The following TAFA2 variants were observed in gnomAD, a reference collection of about 807,000 sequenced individuals.
The protein encoded by TAFA2 is TAFA chemokine like family member 2, also known as chemokine-like protein TAFA-2.
A neutral mutation model predicts 18.8 loss-of-function variants in TAFA2; 7 were observed. The observed-to-expected ratio is 0.37, with a 90% CI of 0.21 to 0.70. The LOEUF is 0.70. Among genes scored for constraint, TAFA2 ranks in the 30% least tolerant of loss-of-function variants. The pLI is 0.53. For synonymous variants in TAFA2, 60 were observed against 54.2 expected (o/e 1.11, Z -0.47); for missense variants, 122 against 158.1 (o/e 0.77, Z 1.23).
chr12:61,738,892 T>C (rs1431707251), intron 4 of TAFA2, among the ~76,000 whole-genome samples: 1 of 152,146 alleles, frequency 6.6e-6, no homozygotes, highest in Non-Finnish European at 1.5e-5. Context: ...TTAGTATTTC[T>C]TTAACAAGAC....
chr12:61,929,462 C>T (rs1877457291), intron 1 of TAFA2, among the ~76,000 whole-genome samples: 1 of 152,154 alleles, frequency 6.6e-6, no homozygotes, highest in African/African-American at 2.4e-5. Context: ...GAGATACCAT[C>T]TCACACCAGT....
intron 1 of TAFA2, among the ~76,000 whole-genome samples, chr12:62,203,903 C>T (rs139820698): frequency 6.6e-6 from 1 of 152,214 alleles, no homozygotes; most frequent in East Asian, 1.9e-4. Flanking sequence ...ATTTTGCAGA[C>T]TTGTTGATGT....
At chr12:62,205,663 G>T (rs568976834) in intron 1 of TAFA2, among the ~76,000 whole-genome samples, 7 of 152,136 alleles carry the variant, frequency 4.6e-5, no homozygotes, top group Non-Finnish European at 4.4e-5. Context: ...GGTCCAAACC[G>T]CCCAGTTTCC....
chr12:62,243,837 G>C (rs950493226), intron 1 of TAFA2, among the ~76,000 whole-genome samples: 6 of 152,198 alleles, frequency 3.9e-5, no homozygotes, highest in African/African-American at 1.4e-4. Flanking sequence ...CTGAAGGGCA[G>C]TGGTAGCATC....
chr12:61,775,613 G>A (rs531740293), intron 2 of TAFA2, among the ~76,000 whole-genome samples: 8 of 151,896 alleles, frequency 5.3e-5, no homozygotes, highest in African/African-American at 1.9e-4. Context: ...GAAGATCAGT[G>A]ATTATCAGGG....
At chr12:62,057,573 C>T (rs2136783277) in intron 1 of TAFA2, among the ~76,000 whole-genome samples, 1 of 151,982 alleles carries the variant, frequency 6.6e-6, no homozygotes, top group East Asian at 1.9e-4. Flanking sequence ...ATTACTTTGT[C>T]ATTCAATTTG....
intron 1 of TAFA2, among the ~76,000 whole-genome samples, chr12:62,243,139 A>C (rs2062870421): frequency 6.6e-6 from 1 of 152,238 alleles, no homozygotes; most frequent in Admixed American, 6.5e-5. Context: ...ACCTGTAGTT[A>C]TAAAAGATTT....
chr12:62,045,786 G>A (rs1366058975), intron 1 of TAFA2, among the ~76,000 whole-genome samples: 1 of 151,910 alleles, frequency 6.6e-6, no homozygotes, highest in Non-Finnish European at 1.5e-5. Context: ...AATTACAATG[G>A]CTACCCAGAA....
intron 1 of TAFA2, among the ~76,000 whole-genome samples, chr12:61,889,161 A>T (rs1875520360): frequency 6.6e-6 from 1 of 152,178 alleles, no homozygotes; most frequent in Admixed American, 6.5e-5. Context: ...CACATGATGC[A>T]CTTAGGAAGG....
intron 1 of TAFA2, among the ~76,000 whole-genome samples, chr12:61,978,804 A>G (rs1879527477): frequency 6.6e-6 from 1 of 152,138 alleles, no homozygotes; most frequent in Non-Finnish European, 1.5e-5. Context: ...CTCATGTATC[A>G]TACTTCAAGA....
chr12:61,791,221 C>T (rs116049078), intron 2 of TAFA2, among the ~76,000 whole-genome samples: 2,810 of 151,900 alleles, frequency 0.018, 84 homozygotes, highest in African/African-American at 0.065. Context: ...GGATTAAAGA[C>T]TTAAATATGA....
At chr12:62,032,822 C>G (rs1364480281) in intron 1 of TAFA2, among the ~76,000 whole-genome samples, 1 of 152,066 alleles carries the variant, frequency 6.6e-6, no homozygotes, top group Non-Finnish European at 1.5e-5. Context: ...TGTGAAGCTT[C>G]CCATATTTTT....
intron 1 of TAFA2, chr12:61,880,111 C>A: frequency 3.2e-6 from 2 of 623,534 alleles, no homozygotes; most frequent in South Asian, 1.6e-5. Context: ...TCACTGAGGT[C>A]AAGGCCCAGT....
At chr12:62,109,301 A>T (rs1311325841) in intron 1 of TAFA2, among the ~76,000 whole-genome samples, 2 of 151,942 alleles carry the variant, frequency 1.3e-5, no homozygotes, top group African/African-American at 2.4e-5. Context: ...GATGTGTAGC[A>T]TTATTTCTGA....
intron 1 of TAFA2, among the ~76,000 whole-genome samples, chr12:62,202,255 G>T (rs2062674330): frequency 6.6e-6 from 1 of 150,746 alleles, no homozygotes; most frequent in Non-Finnish European, 1.5e-5. Context: ...CTGTGATCTT[G>T]GTTATTTCTT....
intron 1 of TAFA2, among the ~76,000 whole-genome samples, chr12:62,222,020 A>G (rs2062765017): frequency 6.6e-6 from 1 of 152,196 alleles, no homozygotes; most frequent in Non-Finnish European, 1.5e-5. Flanking sequence ...TAAAGCAAAG[A>G]GTCTAAGAAG....
chr12:62,157,068 T>C (rs2062374612), intron 1 of TAFA2, among the ~76,000 whole-genome samples: 1 of 152,182 alleles, frequency 6.6e-6, no homozygotes, highest in East Asian at 1.9e-4. Flanking sequence ...AAAATTAAAC[T>C]GTAATTATGC....
intron 2 of TAFA2, among the ~76,000 whole-genome samples, chr12:61,842,783 T>A (rs185981725): frequency 6.6e-6 from 1 of 152,176 alleles, no homozygotes; most frequent in East Asian, 1.9e-4. Flanking sequence ...CTATTTAACA[T>A]TGAAGTAGAC....
intron 1 of TAFA2, among the ~76,000 whole-genome samples, chr12:62,110,353 T>A (rs1169703225): frequency 6.6e-6 from 1 of 152,168 alleles, no homozygotes; most frequent in African/African-American, 2.4e-5. Context: ...GGATAAGCTT[T>A]TTGATGTGCT....
Sources: gnomAD v4.1 joint callset for allele counts (sites outside exome capture counted in the v4.1 genomes callset) on GRCh38, gnomAD v4.1.1 for gene constraint, MANE v1.5 for transcripts, NCBI Gene and HGNC (gene_info 2026-07-23, HGNC 2026-07-21) for gene names.